Variants in LAMC2 observed in about 807,000 individuals in gnomAD.
The protein encoded by LAMC2 is laminin subunit gamma 2.
In LAMC2, 97 loss-of-function variants were observed where a neutral mutation model predicts 140.2. The ratio of observed to expected loss-of-function variants is 0.69; its 90% CI spans 0.59 to 0.82. The LOEUF is 0.82. LAMC2 is among the 40% of genes least tolerant of loss of function. LAMC2 has a pLI of 0.00. For synonymous variants in LAMC2, 513 were observed against 540.2 expected (o/e 0.95, Z 0.70); for missense variants, 1,402 against 1,476.1 (o/e 0.95, Z 0.82).
intron 6 of LAMC2, among the ~76,000 whole-genome samples, chr1:183,222,595 A>T (rs1236595269): frequency 2.0e-5 from 3 of 152,196 alleles, no homozygotes; most frequent in African/African-American, 7.2e-5. Context: ...TTAAAAAAAA[A>T]AAAATCAATC....
intron 4 of LAMC2, among the ~76,000 whole-genome samples, chr1:183,218,981 T>C (rs549397548): frequency 3.9e-5 from 6 of 152,244 alleles, no homozygotes; most frequent in African/African-American, 1.2e-4. Context: ...TGCACACACA[T>C]GAATGGGCAT....
chr1:183,196,466 A>G (rs1400302659), intron 1 of LAMC2, among the ~76,000 whole-genome samples: 1 of 152,188 alleles, frequency 6.6e-6, no homozygotes, highest in Non-Finnish European at 1.5e-5. Flanking sequence ...CATTAGGATA[A>G]ATTTCTATTT....
In LAMC2 at chr1:183,222,333, G is replaced by A. The variant is rs998428501; in HGVS notation, c.763+122G>A. On this transcript the variant is annotated intron_variant, in intron 6 of 22. Coordinates refer to ENST00000264144, the MANE Select transcript of LAMC2 (RefSeq NM_005562.3). ...TTGGGTTCAGGGTAGCAGCATCTCC[G>A]GGTAGTGCAACCCCAGAAGAGAGAT... 1.2e-5 allele frequency: 12 copies of A among 1,024,436 alleles called. No individual in the cohort carries two copies. The Admixed American group carries it at 1.2e-4, about 10-fold the overall frequency. 63.5% of individuals were successfully genotyped at this position (1,024,436 alleles called of 1,614,324 possible).
intron 4 of LAMC2, among the ~76,000 whole-genome samples, chr1:183,219,816 C>T (rs1049259805): frequency 2.0e-5 from 3 of 152,196 alleles, no homozygotes; most frequent in Non-Finnish European, 4.4e-5. Flanking sequence ...CAGAACATTC[C>T]CCCCAACATG....
chr1:183,220,782 A>T (rs1223669678), intron 4 of LAMC2, 43 bp from the exon 5 acceptor site: 2 of 1,595,730 alleles, frequency 1.3e-6, no homozygotes, highest in South Asian at 2.2e-5. Flanking sequence ...CTATAGAATA[A>T]AAAATAACCT....
the LAMC2 span, among the ~76,000 whole-genome samples, chr1:183,258,943 T>G: frequency 1.3e-5 from 2 of 152,192 alleles, no homozygotes; most frequent in African/African-American, 4.8e-5. Context: ...ACTGATTTGA[T>G]AACAATAAAA....
chr1:183,236,616 T>A lies in LAMC2; in HGVS notation c.2601+12T>A. The A allele has an allele frequency of 6.2e-7, 1 of 1,614,056 alleles. No individual in the cohort carries two copies. The stretch of plus-strand genomic sequence containing the variant: ...ATCAGTCCTTTCAGGTGAGGGCATC[T>A]GGCCTGTGTGCTTGATATACAGGAG... On this transcript the variant is annotated intron_variant, in intron 17 of 22. Transcript: ENST00000264144.
intron 10 of LAMC2, 38 bp downstream of exon 10, chr1:183,227,735 T>C: frequency 6.3e-7 from 1 of 1,584,562 alleles, no homozygotes; most frequent in Non-Finnish European, 8.7e-7. Context: ...TGCCTCTTCC[T>C]GTCCTGATGC....
At chr1:183,207,802 A>G in intron 1 of LAMC2, 79 bp from the exon 2 acceptor site, 1 of 1,202,518 alleles carries the variant, frequency 8.3e-7, no homozygotes, top group South Asian at 1.2e-5. Flanking sequence ...TATCAATAAT[A>G]ACATAAACAC....
At chr1:183,245,717 A>G (rs1660227429), downstream of LAMC2, among the ~76,000 whole-genome samples, 1 of 152,246 alleles carries the variant, frequency 6.6e-6, no homozygotes, top group Non-Finnish European at 1.5e-5. Flanking sequence ...ACAATTCTAC[A>G]TTATGAAAGG....
chr1:183,236,943 C>T (rs1247706174), intron 17 of LAMC2, among the ~76,000 whole-genome samples: 1 of 152,142 alleles, frequency 6.6e-6, no homozygotes, highest in Non-Finnish European at 1.5e-5. Context: ...CTATGTATAG[C>T]CACTCTGAGA....
chr1:183,244,389 T>C lies in LAMC2; in HGVS notation c.*989T>C, dbSNP rs1660199609. 1 of 152,240 alleles carries C rather than the reference T, an allele frequency of 6.6e-6. No individual in the cohort carries two copies. The highest frequency in any genetic ancestry group is 2.4e-5 in the African/African-American group (1 of 41,456). The allele number at this position is 152,240 out of a possible 1,614,324, so 9.4% of individuals were successfully genotyped here. A position where few individuals can be genotyped will look rare whatever the true frequency, so the allele number is the denominator to read the frequency against. On this transcript the variant is annotated 3_prime_UTR_variant, in exon 23 of 23. Coordinates refer to ENST00000264144, the MANE Select transcript of LAMC2 (RefSeq NM_005562.3). ...GTCACATCCATCCCTCCATTCATCC[T>C]TCCATCCATCTTTCCATCCATTACC...
At chr1:183,227,845 A>AAGATAAGAT in intron 10 of LAMC2, 148 bp downstream of exon 10, 1 of 768,732 alleles carries the variant, frequency 1.3e-6, no homozygotes, top group Non-Finnish European at 2.2e-6. Flanking sequence ...TAATATCTTA[A>AAGATAAGAT]AGATAAGATA....
In LAMC2 at chr1:183,225,589, T is replaced by C. The variant is rs1455824753; in HGVS notation, c.954-19T>C. On this transcript the variant is annotated intron_variant, in intron 7 of 22. Transcript: ENST00000264144. ...GGTAAGAATCGGATTTTTAAAGCTT[T>C]TGATTTTAAATTATGCAGGTTAAAT... 6.5e-7 allele frequency: 1 copy of C among 1,542,680 alleles called. No homozygotes were observed. Among genetic ancestry groups the C allele is most frequent in the Non-Finnish European group, 9.0e-7 (1 of 1,115,070 alleles).
intron 1 of LAMC2, 150 bp downstream of exon 1, chr1:183,186,581 TC>T (rs751796118): frequency 5.4e-6 from 1 of 184,872 alleles, no homozygotes; most frequent in Non-Finnish European, 7.4e-6. Context: ...CTGGGGCTCC[TC>T]CAGAGACGGA....
chr1:183,232,465 C>G, intron 13 of LAMC2, 122 bp downstream of exon 13: 1 of 1,247,842 alleles, frequency 8.0e-7, no homozygotes, highest in South Asian at 1.3e-5. Flanking sequence ...CCAGCCCTTG[C>G]AGAAGTGGAA....
At chr1:183,252,849 G>T in the LAMC2 span, 1 of 796,378 alleles carries the variant, frequency 1.3e-6, no homozygotes. Flanking sequence ...CCTTTTCTCA[G>T]GTTGAGTAAA....
downstream of LAMC2, chr1:183,249,005 T>C (rs200379061): frequency 4.6e-5 from 7 of 152,172 alleles, 1 homozygote; most frequent in South Asian, 1.5e-3. Context: ...CCTTTTGCTG[T>C]AGTTCAGTTA....
chr1:183,235,795 C>T, intron 16 of LAMC2, 65 bp downstream of exon 16: 1 of 1,564,650 alleles, frequency 6.4e-7, no homozygotes. Flanking sequence ...AAAATGCTAA[C>T]CGTACTTGAG....
Sources: gnomAD v4.1 joint callset for allele counts (sites outside exome capture counted in the v4.1 genomes callset) on GRCh38, gnomAD v4.1.1 for gene constraint, MANE v1.5 for transcripts, NCBI Gene and HGNC (gene_info 2026-07-23, HGNC 2026-07-21) for gene names.